The following SLC30A2 variants were observed in gnomAD, a reference collection of about 807,000 sequenced individuals.
SLC30A2 encodes proton-coupled zinc antiporter SLC30A2.
Under a neutral mutation model 39.6 loss-of-function variants are expected in SLC30A2, and 19 were observed. The observed-to-expected ratio is 0.48, with a 90% CI of 0.34 to 0.70. The LOEUF is 0.70. Ranked by LOEUF, SLC30A2 falls within the 30% of genes least tolerant of loss-of-function variation. The pLI, the probability that SLC30A2 is intolerant of heterozygous loss-of-function variation, is 0.01. For missense variants in SLC30A2, 387 were observed against 479.4 expected, an observed-to-expected ratio of 0.81 and a Z score of 1.80; for synonymous variants, 195 against 194.8, an observed-to-expected ratio of 1.00 and a Z score of -0.01.
chr1:26,041,902 C>T (rs1021840976), intron 5 of SLC30A2, 97 bp from the exon 6 acceptor site: 21 of 746,144 alleles, frequency 2.8e-5, no homozygotes, highest in Non-Finnish European at 4.6e-5. Context: ...GAGGTGCTCT[C>T]TCTGCTGGGT....
At chr1:26,041,274 C>T (rs115378937) in intron 6 of SLC30A2, among the ~76,000 whole-genome samples, 1,704 of 152,282 alleles carry the variant, frequency 0.011, 29 homozygotes, top group African/African-American at 0.037. Flanking sequence ...TTGTCCAAGG[C>T]TGACTGTCCT....
Position 26,045,096 on chromosome 1 carries a change from C to G in SLC30A2, c.172G>C (p.Gly58Arg). ...QSNHHCHAQKGPDSHCDPKKG... is the reference protein window; with the variant it reads ...QSNHHCHAQKRPDSHCDPKKG... ...TTGGGGTCACAGTGACTGTCAGGACCCTTCTGAGCATGGCAGTGATGGTTG... is the reference window on the plus strand; with the variant it reads ...TTGGGGTCACAGTGACTGTCAGGACGCTTCTGAGCATGGCAGTGATGGTTG... Residue 58 changes from glycine (G) to arginine (R), a missense_variant, in exon 2 of 8, where the codon GGT (glycine) becomes CGT (arginine). By Grantham distance (125) the Gly-to-Arg change is moderately radical (BLOSUM62 -2). Coordinates refer to ENST00000374276, the MANE Select transcript of SLC30A2 (RefSeq NM_001004434.3). 1.2e-6 allele frequency: 2 copies of G among 1,614,204 alleles called. No homozygotes were observed. Among genetic ancestry groups the G allele is most frequent in the Non-Finnish European group, 1.7e-6 (2 of 1,180,042 alleles).
chr1:26,042,788 G>A, intron 4 of SLC30A2, 80 bp from the exon 5 acceptor site: 2 of 1,345,072 alleles, frequency 1.5e-6, no homozygotes, highest in Non-Finnish European at 1.0e-6. Context: ...AACTTGTAGG[G>A]CAAAAATCTC....
Position 26,044,329 on chromosome 1 carries a change from G to A in SLC30A2, c.387C>T (p.Thr129=). The A allele has an allele frequency of 1.2e-6, 2 of 1,614,130 alleles. No individual in the cohort carries two copies. The highest frequency in any genetic ancestry group is 1.7e-6 in the Non-Finnish European group (2 of 1,180,028). ...FSLWMSSRPA[T]KTMNFGWQRA... ...TCTGCCAGCCAAAGTTCATGGTCTTGGTGGCTGGCCGGGAGGACATCCAGA... is the reference window on the plus strand; with the variant it reads ...TCTGCCAGCCAAAGTTCATGGTCTTAGTGGCTGGCCGGGAGGACATCCAGA... Residue 129 remains threonine (T), a synonymous_variant, in exon 3 of 8, where the codon ACC becomes ACT. Transcript: ENST00000374276.
chr1:26,039,969 T>C lies in SLC30A2; in HGVS notation c.839-58A>G, dbSNP rs1383444534. 3.2e-5 allele frequency: 51 copies of C among 1,596,172 alleles called. No homozygotes were observed. Among genetic ancestry groups the C allele is most frequent in the Non-Finnish European group, 4.3e-5 (50 of 1,165,466 alleles). ...AAACTACCCCTCCCACGCCTGCCCA[T>C]TGGTGCAGGGCTGGCTCCTGATCCT... is the stretch of plus-strand genomic sequence containing the variant. On this transcript the variant is annotated intron_variant, in intron 6 of 7. Transcript: ENST00000374276. This position sits in a 1 kb window ranked among gnomAD's most constrained non-coding sequence, Gnocchi z 4.3.
rs917560496 is a variant in SLC30A2 at position 26,038,196 on chromosome 1, C to T, written c.*964G>A. ...AACTGGGCATGTTGTCTCGATGAGT[C>T]GGGGACAGGTTTCCCCTCTTGCATC... On this transcript the variant is annotated 3_prime_UTR_variant, in exon 8 of 8. Transcript: ENST00000374276. 8 of 152,214 alleles carry T rather than the reference C, an allele frequency of 5.3e-5. No homozygotes were observed. The highest frequency in any genetic ancestry group is 1.2e-4 in the African/African-American group (5 of 41,444). The allele number at this position is 152,214 out of a possible 1,614,324, so 9.4% of individuals were successfully genotyped here.
rs777278428 is a variant in SLC30A2 at position 26,044,317 on chromosome 1, G to A, written c.399C>T (p.Asn133=). The A allele has an allele frequency of 1.2e-6, 2 of 1,614,108 alleles. No individual in the cohort carries two copies. The highest frequency in any genetic ancestry group is 1.7e-6 in the Non-Finnish European group (2 of 1,180,018). ...MSSRPATKTM[N]FGWQRAEILG... ...CCTCACCAGCTCTCTGCCAGCCAAA[G>A]TTCATGGTCTTGGTGGCTGGCCGGG... Residue 133 remains asparagine (N), a synonymous_variant, in exon 3 of 8, where the codon AAC becomes AAT. Coordinates refer to ENST00000374276, the MANE Select transcript of SLC30A2 (RefSeq NM_001004434.3).
chr1:26,039,407 G>A lies in SLC30A2; in HGVS notation c.974-102C>T. On this transcript the variant is annotated intron_variant, in intron 7 of 7. Transcript: ENST00000374276. This position sits in a 1 kb window ranked among gnomAD's most constrained non-coding sequence, Gnocchi z 4.3. ...CCCCATCCCCAGCAGAACAGGATGG[G>A]GGACCATGAACATGGAGAAGCCCCC... The A allele has an allele frequency of 1.1e-6, 1 of 889,570 alleles. No homozygotes were observed. The highest frequency in any genetic ancestry group is 1.7e-6 in the Non-Finnish European group (1 of 577,444). The allele number at this position is 889,570 out of a possible 1,614,324, so 55.1% of individuals were successfully genotyped here.
chr1:26,043,974 C>A (rs116235534), intron 3 of SLC30A2, among the ~76,000 whole-genome samples: 3 of 152,184 alleles, frequency 2.0e-5, no homozygotes, highest in Non-Finnish European at 4.4e-5. Context: ...CCCCTCCCCC[C>A]AGAGCTGATC....
At chr1:26,040,998 G>A (rs563672387) in intron 6 of SLC30A2, among the ~76,000 whole-genome samples, 2 of 151,928 alleles carry the variant, frequency 1.3e-5, no homozygotes, top group Non-Finnish European at 2.9e-5. Context: ...TTGGGAGGCT[G>A]AGGCAGGAGG....
chr1:26,042,754 G>T, intron 4 of SLC30A2, 46 bp from the exon 5 acceptor site: 1 of 1,583,024 alleles, frequency 6.3e-7, no homozygotes, highest in Non-Finnish European at 8.7e-7. Flanking sequence ...GGTCGCAGAT[G>T]GAGGTCACCT....
In SLC30A2 at chr1:26,039,921, G is replaced by A. The variant is rs1167504987; in HGVS notation, c.839-10C>T. 3.7e-6 allele frequency: 6 copies of A among 1,613,872 alleles called. No homozygotes were observed. Among genetic ancestry groups the A allele is most frequent in the Non-Finnish European group, 5.1e-6 (6 of 1,179,950 alleles). On this transcript the variant is annotated splice_polypyrimidine_tract_variant and intron_variant, in intron 6 of 7. Transcript: ENST00000374276. The surrounding 1 kb of genome is among the most constrained non-coding windows in gnomAD (Gnocchi z 4.3). ...ACGCCCTTGGGGGTCCCTGAGGACG[G>A]CAAGGACAGGGGAAACTAAAGGAAA...
At position 26,039,988 on chromosome 1, in the gene SLC30A2, T is replaced by C. The variant is rs1358662702; in HGVS notation, c.839-77A>G. ...TGCCCATTGGTGCAGGGCTGGCTCC[T>C]GATCCTCAGGTGTCATCCCCTCAAA... On this transcript the variant is annotated intron_variant, in intron 6 of 7. Transcript: ENST00000374276. This position sits in a 1 kb window ranked among gnomAD's most constrained non-coding sequence, Gnocchi z 4.3. 1.9e-6 allele frequency: 3 copies of C among 1,546,012 alleles called. No homozygotes were observed. In the Admixed American group the frequency reaches 5.2e-5, roughly 27 times the overall value.
rs987668096 is a variant in SLC30A2 at position 26,039,865 on chromosome 1, C to G, written c.885G>C (p.Leu295=). The change falls in exon 7 of 8, where the codon CTG becomes CTC. Residue 295 remains leucine (L), a synonymous_variant. Coordinates refer to ENST00000374276, the MANE Select transcript of SLC30A2 (RefSeq NM_001004434.3). The surrounding 1 kb of genome is among the most constrained non-coding windows in gnomAD (Gnocchi z 4.3). ...VDFTAVRDLL[L]SVEGVEALHS... is the part of the protein sequence containing the mutation. ...GCAGGGCTTCTACCCCCTCCACCGA[C>G]AGCAGCAGATCACGAACAGCTGTGA... is the stretch of plus-strand genomic sequence containing the variant. The G allele has an allele frequency of 6.2e-7, 1 of 1,614,114 alleles. No individual in the cohort carries two copies. Among genetic ancestry groups the G allele is most frequent in the Non-Finnish European group, 8.5e-7 (1 of 1,180,008 alleles).
At chr1:26,040,168 G>T (rs1396913142) in intron 6 of SLC30A2, among the ~76,000 whole-genome samples, 1 of 152,126 alleles carries the variant, frequency 6.6e-6, no homozygotes, top group Non-Finnish European at 1.5e-5. Context: ...ACTCCATGAG[G>T]GCAGGACAGT....
At chr1:26,043,748 A>T (rs1423772136) in intron 3 of SLC30A2, among the ~76,000 whole-genome samples, 197 bp from the exon 4 acceptor site, 1 of 152,070 alleles carries the variant, frequency 6.6e-6, no homozygotes, top group Non-Finnish European at 1.5e-5. Flanking sequence ...TAAGAGCTAG[A>T]AGGAACTAAT....
chr1:26,042,037 A>G (rs2050403555), intron 5 of SLC30A2, among the ~76,000 whole-genome samples: 1 of 152,196 alleles, frequency 6.6e-6, no homozygotes. Flanking sequence ...CTTCTCAAGG[A>G]GCTGAGACAT....
intron 3 of SLC30A2, among the ~76,000 whole-genome samples, 196 bp downstream of exon 3, chr1:26,044,102 A>G (rs1005463468): frequency 2.6e-5 from 4 of 152,180 alleles, no homozygotes; most frequent in Non-Finnish European, 4.4e-5. Flanking sequence ...GATGACTGGG[A>G]CCAGGGCTCC....
rs763251118 is a variant in SLC30A2 at position 26,043,408 on chromosome 1, C to T, written c.562G>A (p.Val188Met). 8 of 1,613,862 alleles carry T rather than the reference C, an allele frequency of 5.0e-6. No homozygotes were observed. The highest frequency in any genetic ancestry group is 1.7e-5 in the Admixed American group (1 of 60,000). ...MLITSGCAVA[V>M]NIIMGLTLHQ... is the part of the protein sequence containing the mutation. The stretch of plus-strand genomic sequence containing the variant: ...TGGGGCCCCACTCACATGATGTTCA[C>T]AGCCACAGCGCAGCCCGACGTGATC... The change falls in exon 4 of 8, where the codon GTG becomes ATG. Residue 188 changes from valine to methionine, a missense_variant. Coordinates refer to ENST00000374276, the MANE Select transcript of SLC30A2 (RefSeq NM_001004434.3).
Sources: allele counts gnomAD v4.1 joint callset (sites outside exome capture counted in the v4.1 genomes callset), GRCh38; gene constraint gnomAD v4.1.1; non-coding constraint Gnocchi (gnomAD v3.1); transcripts MANE v1.5; gene names NCBI Gene and HGNC (gene_info 2026-07-23, HGNC 2026-07-21).